Variants in FGF12 observed in about 807,000 individuals in gnomAD.
FGF12 encodes the protein fibroblast growth factor 12B.
In FGF12, 14 loss-of-function variants were observed where a neutral mutation model predicts 23.6. The observed-to-expected ratio is 0.59, with a 90% CI of 0.39 to 0.93. The LOEUF (loss-of-function observed/expected upper bound fraction) is 0.93. Among genes scored for constraint, FGF12 ranks in the 40% least tolerant of loss-of-function variants. FGF12 has a pLI of 0.00. For synonymous variants in FGF12, 62 were observed against 77.3 expected (o/e 0.80, Z 1.04); for missense variants, 175 against 217.8 (o/e 0.80, Z 1.24).
At chr3:192,503,875 T>C (rs1422224905) in intron 2 of FGF12, among the ~76,000 whole-genome samples, 1 of 152,110 alleles carries the variant, frequency 6.6e-6, no homozygotes, top group Admixed American at 6.6e-5. Context: ...CATTCTACCA[T>C]AAAGACATAT....
At chr3:192,498,570 T>C (rs1286542004) in intron 2 of FGF12, among the ~76,000 whole-genome samples, 1 of 151,916 alleles carries the variant, frequency 6.6e-6, no homozygotes, top group Admixed American at 6.6e-5. Context: ...GATATTGGAG[T>C]CCATTACCAC....
chr3:192,284,852 T>C (rs193054867), intron 4 of FGF12, among the ~76,000 whole-genome samples: 185 of 152,100 alleles, frequency 1.2e-3, no homozygotes, highest in African/African-American at 4.3e-3. Flanking sequence ...CTGGGGAAGC[T>C]GGATTTTAAC....
chr3:192,303,688 C>T (rs1014935372), intron 4 of FGF12, among the ~76,000 whole-genome samples: 2 of 152,088 alleles, frequency 1.3e-5, no homozygotes, highest in African/African-American at 2.4e-5. Context: ...GTTTTAAAGA[C>T]ACCTAAAGGT....
At chr3:192,551,514 T>C (rs1711527218) in intron 2 of FGF12, among the ~76,000 whole-genome samples, 1 of 152,196 alleles carries the variant, frequency 6.6e-6, no homozygotes, top group African/African-American at 2.4e-5. Flanking sequence ...CATTAAACAG[T>C]GCTCATAGAT....
intron 2 of FGF12, among the ~76,000 whole-genome samples, chr3:192,401,191 C>A (rs766503890): frequency 5.9e-5 from 9 of 152,284 alleles, no homozygotes; most frequent in Non-Finnish European, 1.0e-4. Flanking sequence ...GTTTGTAAAT[C>A]TTTTTAATGT....
Position 192,408,719 on chromosome 3 carries a change from C to A in FGF12, c.14-48181G>T. Reference sequence around the variant, plus strand: ...CCCGTTTACAAAGCAGAGTCTGGACCCAGGCGGGTAGCGCGCCCCCGGTAG... The same window carrying A: ...CCCGTTTACAAAGCAGAGTCTGGACACAGGCGGGTAGCGCGCCCCCGGTAG... On this transcript the variant is annotated intron_variant, in intron 2 of 5. Coordinates refer to ENST00000445105, the MANE Select transcript of FGF12 (RefSeq NM_004113.6). The surrounding 1 kb of genome is among the most constrained non-coding windows in gnomAD (Gnocchi z 7.3). 1 of 987,360 alleles carries A rather than the reference C, an allele frequency of 1.0e-6. No homozygotes were observed. Among genetic ancestry groups the A allele is most frequent in the South Asian group, 4.7e-5 (1 of 21,324 alleles). The allele number at this position is 987,360 out of a possible 1,614,324, so 61.2% of individuals were successfully genotyped here.
At chr3:192,495,261 C>G (rs960272290) in intron 2 of FGF12, among the ~76,000 whole-genome samples, 1 of 152,184 alleles carries the variant, frequency 6.6e-6, no homozygotes, top group Non-Finnish European at 1.5e-5. Context: ...TATACAACAA[C>G]ATACACATTT....
At chr3:192,432,639 A>AGAAAG (rs1167521161) in intron 2 of FGF12, among the ~76,000 whole-genome samples, 4 of 137,086 alleles carry the variant, frequency 2.9e-5, no homozygotes, top group African/African-American at 1.1e-4. Context: ...AAAAAAAAAA[A>AGAAAG]AAAGAAAGAA....
At chr3:192,230,690 C>A (rs896096891) in intron 4 of FGF12, among the ~76,000 whole-genome samples, 12 of 152,078 alleles carry the variant, frequency 7.9e-5, no homozygotes, top group African/African-American at 2.9e-4. Flanking sequence ...TCAGACTAAC[C>A]TAGAGTTTCA....
chr3:192,313,570 T>C (rs989553249), intron 4 of FGF12, among the ~76,000 whole-genome samples: 4 of 152,216 alleles, frequency 2.6e-5, no homozygotes, highest in African/African-American at 9.6e-5. Context: ...GCAATAAGCT[T>C]CTGTTTCCAA....
intron 2 of FGF12, among the ~76,000 whole-genome samples, chr3:192,689,372 G>A (rs113488369): frequency 7.2e-5 from 11 of 152,010 alleles, no homozygotes; most frequent in Non-Finnish European, 1.0e-4. Flanking sequence ...AATATGTATC[G>A]TTTTAAAAGA....
chr3:192,234,846 T>C (rs73064530), intron 4 of FGF12, among the ~76,000 whole-genome samples: 2 of 152,330 alleles, frequency 1.3e-5, no homozygotes, highest in South Asian at 2.1e-4. Flanking sequence ...ATCGCATTTA[T>C]TGATATTCAT....
intron 2 of FGF12, among the ~76,000 whole-genome samples, chr3:192,471,542 A>G (rs1723173733): frequency 6.6e-6 from 1 of 152,220 alleles, no homozygotes; most frequent in Non-Finnish European, 1.5e-5. Context: ...TTCATATTTT[A>G]TTTCACTGAT....
intron 2 of FGF12, among the ~76,000 whole-genome samples, chr3:192,371,254 AC>A (rs1462207792): frequency 1.3e-5 from 2 of 152,256 alleles, no homozygotes; most frequent in Non-Finnish European, 2.9e-5. Flanking sequence ...ATATGAAGAA[AC>A]AAAACACCAG....
chr3:192,465,969 C>T (rs1722999373), intron 2 of FGF12, among the ~76,000 whole-genome samples: 1 of 152,162 alleles, frequency 6.6e-6, no homozygotes, highest in Non-Finnish European at 1.5e-5. Context: ...TATGCTTATG[C>T]ATTGCTTAAT....
In FGF12 at chr3:192,447,691, T is replaced by C. The variant is rs375821122; in HGVS notation, c.14-87153A>G. On this transcript the variant is annotated intron_variant, in intron 2 of 5. Transcript: ENST00000445105. ...GTAATGACTACTTAACATTAAATCA[T>C]TTTACCATTACACAGTATACTTATC... 2.0e-3 allele frequency among the ~76,000 whole-genome samples: 298 copies of C among 152,044 alleles called. 1 individual carries two copies. Among genetic ancestry groups the C allele is most frequent in the Middle Eastern group, 3.4e-3 (1 of 294 alleles).
intron 2 of FGF12, among the ~76,000 whole-genome samples, chr3:192,486,045 T>C (rs1407307180): frequency 2.6e-5 from 4 of 152,140 alleles, no homozygotes; most frequent in Non-Finnish European, 5.9e-5. Flanking sequence ...TTTTTCATTA[T>C]AAAAAGTGAG....
At chr3:192,690,742 A>G (rs2108719364) in intron 2 of FGF12, among the ~76,000 whole-genome samples, 1 of 152,144 alleles carries the variant, frequency 6.6e-6, no homozygotes, top group East Asian at 1.9e-4. Context: ...ACATTTGTCA[A>G]TCAAAAGACA....
chr3:192,462,538 C>G (rs1722894783), intron 2 of FGF12, among the ~76,000 whole-genome samples: 2 of 152,124 alleles, frequency 1.3e-5, no homozygotes, highest in Non-Finnish European at 2.9e-5. Context: ...TTGGACTTCT[C>G]AATCTCCATA....
Sources: gnomAD v4.1 joint callset for allele counts (sites outside exome capture counted in the v4.1 genomes callset) on GRCh38, gnomAD v4.1.1 for gene constraint, Gnocchi (gnomAD v3.1) non-coding constraint, MANE v1.5 for transcripts, NCBI Gene and HGNC (gene_info 2026-07-23, HGNC 2026-07-21) for gene names.